The following ATP8B4 variants were observed in gnomAD, a reference collection of about 807,000 sequenced individuals.
ATP8B4 encodes probable phospholipid-transporting ATPase IM.
Under a neutral mutation model 145.6 loss-of-function variants are expected in ATP8B4, and 133 were observed. That is an observed-to-expected ratio of 0.91 (90% CI 0.79 to 1.05). ATP8B4 has a LOEUF of 1.05. Ranked by LOEUF, ATP8B4 falls within the 50% of genes least tolerant of loss-of-function variation. The pLI is 0.00. For synonymous variants in ATP8B4, 507 were observed against 492.9 expected, an observed-to-expected ratio of 1.03 and a Z score of -0.38; for missense variants, 1,458 against 1,425.2, an observed-to-expected ratio of 1.02 and a Z score of -0.37.
At chr15:49,911,573 C>T (rs1599082168) in intron 20 of ATP8B4, among the ~76,000 whole-genome samples, 1 of 152,030 alleles carries the variant, frequency 6.6e-6, no homozygotes, top group South Asian at 2.1e-4. Flanking sequence ...GAAGTAGACT[C>T]CAATACAATA....
intron 16 of ATP8B4, 142 bp downstream of exon 16, chr15:49,930,977 G>C: frequency 2.3e-6 from 2 of 875,322 alleles, no homozygotes; most frequent in Non-Finnish European, 3.5e-6. Flanking sequence ...ATTGAGGCTA[G>C]GTTGAGCAAC....
chr15:50,164,446 T>C (rs1227527994), intron 1 of ATP8B4, among the ~76,000 whole-genome samples: 1 of 152,128 alleles, frequency 6.6e-6, no homozygotes, highest in South Asian at 2.1e-4. Context: ...GGGCCTAGAA[T>C]GGGGACCTCA....
At chr15:50,167,236 C>T (rs371486645) in intron 1 of ATP8B4, among the ~76,000 whole-genome samples, 1 of 152,136 alleles carries the variant, frequency 6.6e-6, no homozygotes. Flanking sequence ...AACAAATCAC[C>T]ATAAACTTGA....
At position 49,963,678 on chromosome 15, in the gene ATP8B4, T is replaced by A. The variant is rs546610293; in HGVS notation, c.1244-1658A>T. The stretch of plus-strand genomic sequence containing the variant: ...CAGGAACAGGAAACCAAACACTGCA[T>A]GTTCTCACTTATAAGTGGGAGCTGA... On this transcript the variant is annotated intron_variant, in intron 13 of 27. Coordinates refer to ENST00000284509, the MANE Select transcript of ATP8B4 (RefSeq NM_024837.4). Among the ~76,000 whole-genome samples, 3 of 152,302 alleles carry A rather than the reference T, an allele frequency of 2.0e-5. No individual in the cohort carries two copies. The East Asian group carries it at 5.8e-4, about 29-fold the overall frequency.
intron 1 of ATP8B4, among the ~76,000 whole-genome samples, chr15:50,141,887 G>T (rs748340930): frequency 6.6e-6 from 1 of 152,182 alleles, no homozygotes; most frequent in Non-Finnish European, 1.5e-5. Context: ...AACACAGAAA[G>T]TCTGCACAGC....
rs1425184831 is a variant in ATP8B4 at position 49,898,054 on chromosome 15, A to C, written c.2473+14T>G. 6.2e-7 allele frequency: 1 copy of C among 1,613,420 alleles called. No homozygotes were observed. The stretch of plus-strand genomic sequence containing the variant: ...ATGTATGCAGCATACCCCATTGAGC[A>C]AATATCCTCTTACTTTTAATCATGC... On this transcript the variant is annotated intron_variant, in intron 22 of 27. Transcript: ENST00000284509.
At chr15:50,160,015 C>CT (rs35773416) in intron 1 of ATP8B4, among the ~76,000 whole-genome samples, 9,600 of 20,174 alleles carry the variant, frequency 0.48, 2,933 homozygotes, top group Non-Finnish European at 0.56. Context: ...CAGGTCCTGG[C>CT]TTTTTTTTTT....
chr15:50,107,132 AC>A, intron 1 of ATP8B4, 124 bp from the exon 2 acceptor site: 1 of 534,548 alleles, frequency 1.9e-6, no homozygotes, highest in Non-Finnish European at 3.2e-6. Flanking sequence ...GGAAAGAACA[AC>A]AGATTTAATT....
chr15:49,977,016 T>TA (rs900466118), intron 12 of ATP8B4, among the ~76,000 whole-genome samples: 17 of 151,968 alleles, frequency 1.1e-4, no homozygotes, highest in Admixed American at 3.9e-4. Flanking sequence ...ATTATGTATT[T>TA]AAAAAAAACT....
intron 9 of ATP8B4, among the ~76,000 whole-genome samples, chr15:49,991,211 C>T (rs746229123): frequency 6.6e-6 from 1 of 152,044 alleles, no homozygotes; most frequent in Non-Finnish European, 1.5e-5. Context: ...AAAAGAGATG[C>T]TTATTTTTCC....
chr15:49,920,179 G>T, intron 18 of ATP8B4, 67 bp downstream of exon 18: 1 of 1,553,844 alleles, frequency 6.4e-7, no homozygotes, highest in South Asian at 1.2e-5. Flanking sequence ...GCTTATTCCT[G>T]TGCTAAATCT....
intron 1 of ATP8B4, among the ~76,000 whole-genome samples, chr15:50,175,552 A>G (rs2263561): frequency 0.58 from 88,280 of 152,072 alleles, 26,705 homozygotes; most frequent in East Asian, 0.81. Flanking sequence ...TGAATAGACA[A>G]TTCTCAAAGG....
At position 50,106,976 on chromosome 15, in the gene ATP8B4, TG is replaced by T; in HGVS notation, c.-11del. On this transcript the variant is annotated 5_prime_UTR_variant, in exon 2 of 28. Coordinates refer to ENST00000284509, the MANE Select transcript of ATP8B4 (RefSeq NM_024837.4). Reference sequence around the variant, plus strand: ...TTTCACTGCAGAACATTATTATACCTGATCTTTCACCAGGTCTCAACAGGTG... The same window carrying T: ...TTTCACTGCAGAACATTATTATACCTATCTTTCACCAGGTCTCAACAGGTG... 1 of 1,587,514 alleles carries T rather than the reference TG, an allele frequency of 6.3e-7. No individual in the cohort carries two copies. The highest frequency in any genetic ancestry group is 1.2e-5 in the South Asian group (1 of 84,050).
At chr15:50,069,291 T>A (rs1393835496) in intron 3 of ATP8B4, among the ~76,000 whole-genome samples, 2 of 152,228 alleles carry the variant, frequency 1.3e-5, no homozygotes, top group African/African-American at 4.8e-5. Flanking sequence ...CCTTATCTTT[T>A]ATGTTCTAAA....
At chr15:50,138,326 GTAGATAGATAGATAGATAGA>G (rs71124324) in intron 1 of ATP8B4, among the ~76,000 whole-genome samples, 33,680 of 148,110 alleles carry the variant, frequency 0.23, 4,459 homozygotes, top group East Asian at 0.41. Flanking sequence ...AGATAGATAG[GTAGATAGATAGATAGATAGA>G]TAGATAGATA....
rs111563515 is a variant in ATP8B4 at position 50,147,164 on chromosome 15, C to T, written c.-43+35097G>A. Among the ~76,000 whole-genome samples, 352 of 152,070 alleles carry T rather than the reference C, an allele frequency of 2.3e-3. 1 individual carries two copies. The highest frequency in any genetic ancestry group is 7.9e-3 in the African/African-American group (327 of 41,474). On this transcript the variant is annotated intron_variant, in intron 1 of 3. Transcript: ENST00000558829. ...GGCACGGTGGCTCACGCCTGTAATC[C>T]CAGCACTTGGGGAGGTCAAGGTGGG...
intron 1 of ATP8B4, among the ~76,000 whole-genome samples, chr15:50,111,568 C>T (rs2056944195): frequency 6.6e-6 from 1 of 152,126 alleles, no homozygotes. Flanking sequence ...GAACAGCCCT[C>T]GGAGCTGTTC....
At chr15:49,958,578 G>T (rs1211999405) in intron 14 of ATP8B4, among the ~76,000 whole-genome samples, 1 of 151,414 alleles carries the variant, frequency 6.6e-6, no homozygotes, top group African/African-American at 2.4e-5. Flanking sequence ...CAGATAAAGA[G>T]GAAATTAAAA....
At chr15:50,077,629 C>T (rs1387101046) in intron 2 of ATP8B4, among the ~76,000 whole-genome samples, 1 of 152,070 alleles carries the variant, frequency 6.6e-6, no homozygotes. Flanking sequence ...TGATAGGTTC[C>T]CCTTTTATTC....
Sources: allele counts gnomAD v4.1 joint callset (sites outside exome capture counted in the v4.1 genomes callset), GRCh38; gene constraint gnomAD v4.1.1; transcripts MANE v1.5; gene names NCBI Gene and HGNC (gene_info 2026-07-23, HGNC 2026-07-21).